Variants in MCM9 observed in about 807,000 individuals in gnomAD.
The protein encoded by MCM9 is DNA helicase MCM9.
MCM9 carries 55 observed loss-of-function variants against 72.8 expected under a neutral mutation model. The observed-to-expected ratio is 0.76, with a 90% CI of 0.61 to 0.95. The LOEUF is 0.95. Among genes scored for constraint, MCM9 ranks in the 40% least tolerant of loss-of-function variants. The pLI is 0.00. For synonymous variants in MCM9, 480 were observed against 503.4 expected, an observed-to-expected ratio of 0.95 and a Z score of 0.62; for missense variants, 1,279 against 1,377.0, an observed-to-expected ratio of 0.93 and a Z score of 1.13.
At chr6:118,816,775 G>A (rs1446722862) in intron 13 of MCM9, among the ~76,000 whole-genome samples, 1 of 152,174 alleles carries the variant, frequency 6.6e-6, no homozygotes, top group East Asian at 1.9e-4. Context: ...GGGATTATGA[G>A]GTCTCACATC....
chr6:118,843,738 A>G (rs1274651417), intron 9 of MCM9, among the ~76,000 whole-genome samples: 3 of 132,492 alleles, frequency 2.3e-5, no homozygotes, highest in Middle Eastern at 3.9e-3. Context: ...ATATATATAT[A>G]TATGAGAAAT....
chr6:118,826,865 C>G lies in MCM9; in HGVS notation c.1733-1G>C. On this transcript the variant is annotated splice_acceptor_variant, in intron 11 of 13. Coordinates refer to ENST00000619706, the MANE Select transcript of MCM9 (RefSeq NM_017696.3). LOFTEE classifies it high-confidence loss of function. ...TCACGAAACATCAGGCGAGCATGAG[C>G]TAAGAAAACAAAACACATTTGTTTT... 1 of 1,548,192 alleles carries G rather than the reference C, an allele frequency of 6.5e-7. No individual in the cohort carries two copies. The highest frequency in any genetic ancestry group is 8.7e-7 in the Non-Finnish European group (1 of 1,146,238).
At chr6:118,897,059 G>A (rs1779471072) in intron 8 of MCM9, among the ~76,000 whole-genome samples, 2 of 152,014 alleles carry the variant, frequency 1.3e-5, no homozygotes, top group East Asian at 1.9e-4. Context: ...AGCTGGTCTC[G>A]AACCCCTGGG....
intron 9 of MCM9, among the ~76,000 whole-genome samples, chr6:118,850,911 ACCT>A (rs1776177424): frequency 6.6e-6 from 1 of 151,622 alleles, no homozygotes; most frequent in Admixed American, 6.6e-5. Flanking sequence ...TGCAGCCTTG[ACCT>A]CCTGGGTTCA....
chr6:118,824,316 G>A (rs76585403), intron 13 of MCM9, among the ~76,000 whole-genome samples: 2,495 of 151,476 alleles, frequency 0.016, 73 homozygotes, highest in African/African-American at 0.057. Context: ...ATAAGTTAGG[G>A]TAGACTAAGC....
intron 8 of MCM9, among the ~76,000 whole-genome samples, chr6:118,899,198 C>T (rs1043259011): frequency 6.6e-6 from 1 of 152,218 alleles, no homozygotes; most frequent in African/African-American, 2.4e-5. Context: ...ATATTGAACA[C>T]AGCAATCAAA....
intron 12 of MCM9, 77 bp from the exon 13 acceptor site, chr6:118,826,369 T>TC: frequency 6.2e-6 from 9 of 1,448,032 alleles, no homozygotes; most frequent in Non-Finnish European, 8.2e-6. Flanking sequence ...GGACCAGCAA[T>TC]CCCCGGGGGC....
intron 9 of MCM9, among the ~76,000 whole-genome samples, chr6:118,835,880 C>T (rs1774919364): frequency 6.6e-6 from 1 of 152,136 alleles, no homozygotes; most frequent in Admixed American, 6.6e-5. Flanking sequence ...ACTTCCAATA[C>T]TATGTTGACT....
At chr6:118,894,189 CT>C in intron 8 of MCM9, 1 of 1,312,250 alleles carries the variant, frequency 7.6e-7, no homozygotes, top group Non-Finnish European at 9.7e-7. Context: ...AACGCTGCTA[CT>C]TATCAGAGCA....
At chr6:118,927,981 G>A (rs1197675488) in intron 3 of MCM9, among the ~76,000 whole-genome samples, 1 of 152,158 alleles carries the variant, frequency 6.6e-6, no homozygotes, top group Non-Finnish European at 1.5e-5. Context: ...GGACTATAGG[G>A]CCTTTTGTGA....
intron 9 of MCM9, among the ~76,000 whole-genome samples, chr6:118,855,055 G>A (rs1776467301): frequency 1.3e-5 from 2 of 152,112 alleles, no homozygotes; most frequent in South Asian, 4.1e-4. Flanking sequence ...AGTGCACAAA[G>A]TAGCTGTGGT....
chr6:118,917,870 T>G, intron 5 of MCM9, 109 bp from the exon 6 acceptor site: 3 of 895,128 alleles, frequency 3.4e-6, no homozygotes, highest in Admixed American at 2.1e-5. Flanking sequence ...TTACTAGAGT[T>G]TACAATATGT....
chr6:118,876,167 T>C (rs1019836421), intron 8 of MCM9, among the ~76,000 whole-genome samples: 1 of 152,144 alleles, frequency 6.6e-6, no homozygotes, highest in African/African-American at 2.4e-5. Flanking sequence ...TATATTACAT[T>C]CTCGAAAAAG....
At chr6:118,827,588 C>T (rs1774248124) in intron 11 of MCM9, among the ~76,000 whole-genome samples, 1 of 152,042 alleles carries the variant, frequency 6.6e-6, no homozygotes, top group Non-Finnish European at 1.5e-5. Flanking sequence ...GAAACAATTC[C>T]AAACAAGAAA....
rs770041462 is a variant in MCM9, at chr6:118,917,790, A to ATGCTG, written c.704-30_704-29insCAGCA. ...GGAAAAAGCATCAAGTGAGTCCAGCAGTAGCATCCTGCATGCTGAGCACAG... is the reference window on the plus strand; with the variant it reads ...GGAAAAAGCATCAAGTGAGTCCAGCATGCTGGTAGCATCCTGCATGCTGAGCACAG... On this transcript the variant is annotated intron_variant, in intron 5 of 13. Coordinates refer to ENST00000619706, the MANE Select transcript of MCM9 (RefSeq NM_017696.3). The ATGCTG allele has an allele frequency of 2.6e-5, 42 of 1,586,900 alleles. No homozygotes were observed. In the Admixed American group the frequency reaches 5.8e-4, roughly 22 times the overall value.
chr6:118,852,424 T>C (rs1217060590), intron 9 of MCM9, among the ~76,000 whole-genome samples: 1 of 152,052 alleles, frequency 6.6e-6, no homozygotes, highest in Non-Finnish European at 1.5e-5. Context: ...AAAAATCCAA[T>C]CTAAAGATTT....
At position 118,814,981 on chromosome 6, in the gene MCM9, G is replaced by A. The variant is rs1456039279; in HGVS notation, c.3275C>T (p.Thr1092Ile). The change falls in exon 14 of 14, where the codon ACC becomes ATC. Residue 1092 changes from threonine (T) to isoleucine (I), a missense_variant. Coordinates refer to ENST00000619706, the MANE Select transcript of MCM9 (RefSeq NM_017696.3). ...TTTACTGACACGCATTGGAGCTGTGGTTGTAGGAGGGGAGCTTGGGCCTCT... is the reference window on the plus strand; with the variant it reads ...TTTACTGACACGCATTGGAGCTGTGATTGTAGGAGGGGAGCTTGGGCCTCT... ...GERGPSSPPT[T>I]TAPMRVSKRK... The A allele has an allele frequency of 6.4e-7, 1 of 1,550,512 alleles. No individual in the cohort carries two copies.
At chr6:118,867,879 C>CTTTTTTTTTTTTT (rs1554258631) in intron 8 of MCM9, among the ~76,000 whole-genome samples, 2 of 137,486 alleles carry the variant, frequency 1.5e-5, no homozygotes, top group Admixed American at 7.7e-5. Flanking sequence ...TTTTCTTTTT[C>CTTTTTTTTTTTTT]TTTTTCTTTT....
rs748449942 is a variant in MCM9, at chr6:118,842,119, C to A, written c.1326-12869G>T. 3.9e-5 allele frequency among the ~76,000 whole-genome samples: 6 copies of A among 152,256 alleles called. No homozygotes were observed. The South Asian group carries it at 1.0e-3, about 26-fold the overall frequency. ...AAGTGCTGGCATTACAGGCGTGAGACACCGTGCCCGGCCTATCTTGCCATT... is the reference window on the plus strand; with the variant it reads ...AAGTGCTGGCATTACAGGCGTGAGAAACCGTGCCCGGCCTATCTTGCCATT... On this transcript the variant is annotated intron_variant, in intron 9 of 13. Transcript: ENST00000619706.
Sources: allele counts gnomAD v4.1 joint callset (sites outside exome capture counted in the v4.1 genomes callset), GRCh38; gene constraint gnomAD v4.1.1; transcripts MANE v1.5; gene names NCBI Gene and HGNC (gene_info 2026-07-23, HGNC 2026-07-21).